The following FGF14 variants were observed in gnomAD, a reference collection of about 807,000 sequenced individuals.
FGF14 encodes the protein fibroblast growth factor 14.
A neutral mutation model predicts 25.5 loss-of-function variants in FGF14; 5 were observed. The ratio of observed to expected loss-of-function variants is 0.20; its 90% CI spans 0.10 to 0.41. The LOEUF (loss-of-function observed/expected upper bound fraction) is 0.41, where lower values mean the gene tolerates loss of function less well. FGF14 is among the 10% of genes least tolerant of loss of function. The pLI is 1.00. For missense variants in FGF14, 222 were observed against 320.1 expected, an observed-to-expected ratio of 0.69 and a Z score of 2.34; for synonymous variants, 138 against 118.3, an observed-to-expected ratio of 1.17 and a Z score of -1.08.
intron 1 of FGF14, among the ~76,000 whole-genome samples, chr13:101,909,890 C>T (rs2032712149): frequency 6.6e-6 from 1 of 152,192 alleles, no homozygotes; most frequent in Non-Finnish European, 1.5e-5. Flanking sequence ...GGCACATATA[C>T]ACCATGGAAT....
intron 3 of FGF14, among the ~76,000 whole-genome samples, chr13:101,830,191 G>A (rs1431056248): frequency 3.3e-5 from 5 of 152,088 alleles, no homozygotes. Flanking sequence ...TGTAGCTCTA[G>A]AGAAGTCTAG....
intron 1 of FGF14, among the ~76,000 whole-genome samples, chr13:102,318,223 G>A (rs1266087750): frequency 6.6e-6 from 1 of 152,160 alleles, no homozygotes; most frequent in Non-Finnish European, 1.5e-5. Flanking sequence ...CCTGGAAGGA[G>A]CCAGAATTCA....
At chr13:101,992,315 A>G (rs1182010755) in intron 1 of FGF14, among the ~76,000 whole-genome samples, 1 of 152,170 alleles carries the variant, frequency 6.6e-6, no homozygotes, top group Non-Finnish European at 1.5e-5. Context: ...AGGAAACAGT[A>G]AACACAGCAT....
In FGF14 at chr13:101,757,775, A is replaced by C. The variant is rs370974783; in HGVS notation, c.409-30965T>G. On this transcript the variant is annotated intron_variant, in intron 3 of 4. Transcript: ENST00000376143. ...ATTTTTATCAGCGTGTCAAAGATGA[A>C]GAGATACAGATTATTGTATTTAGCC... Among the ~76,000 whole-genome samples, 10 of 152,214 alleles carry C rather than the reference A, an allele frequency of 6.6e-5. No homozygotes were observed. The South Asian group carries it at 8.3e-4, about 13-fold the overall frequency.
chr13:102,102,616 T>C (rs1268901525), intron 1 of FGF14, among the ~76,000 whole-genome samples: 2 of 152,168 alleles, frequency 1.3e-5, no homozygotes, highest in East Asian at 3.9e-4. Context: ...TGCCACTGAA[T>C]ATCACAATAA....
chr13:102,237,342 G>A (rs1465838008), intron 1 of FGF14, among the ~76,000 whole-genome samples: 2 of 152,210 alleles, frequency 1.3e-5, no homozygotes, highest in Non-Finnish European at 2.9e-5. Context: ...ACAGAGTAGG[G>A]GATTGAGCCG....
intron 3 of FGF14, among the ~76,000 whole-genome samples, chr13:101,765,330 T>C (rs1339726159): frequency 6.6e-6 from 1 of 152,220 alleles, no homozygotes; most frequent in Non-Finnish European, 1.5e-5. Context: ...TTGGGTCAAT[T>C]CAATGCAGAC....
At chr13:101,758,549 A>G (rs1175994015) in intron 3 of FGF14, among the ~76,000 whole-genome samples, 2 of 152,210 alleles carry the variant, frequency 1.3e-5, no homozygotes, top group African/African-American at 2.4e-5. Context: ...CATGGTAACT[A>G]TGTGGACCTA....
At chr13:102,157,974 C>T (rs1453814171) in intron 1 of FGF14, among the ~76,000 whole-genome samples, 3 of 152,092 alleles carry the variant, frequency 2.0e-5, no homozygotes, top group South Asian at 4.2e-4. Context: ...TAATGAGATA[C>T]CATCTCACAC....
intron 1 of FGF14, among the ~76,000 whole-genome samples, chr13:102,026,040 A>G (rs2139899383): frequency 6.6e-6 from 1 of 152,090 alleles, no homozygotes; most frequent in South Asian, 2.1e-4. Flanking sequence ...TTCTAGGGGG[A>G]AATCATTCAG....
intron 1 of FGF14, among the ~76,000 whole-genome samples, chr13:101,901,857 C>T (rs972035698): frequency 6.6e-6 from 1 of 152,076 alleles, no homozygotes; most frequent in Non-Finnish European, 1.5e-5. Flanking sequence ...TCCATTCTTT[C>T]GTTTGAAAAA....
At chr13:102,015,323 G>T (rs1232750213) in intron 1 of FGF14, among the ~76,000 whole-genome samples, 7 of 152,094 alleles carry the variant, frequency 4.6e-5, no homozygotes, top group African/African-American at 1.7e-4. Context: ...TATCACCAAA[G>T]GAATATATAT....
At chr13:102,193,871 C>G (rs538388209) in intron 1 of FGF14, among the ~76,000 whole-genome samples, 154 of 145,716 alleles carry the variant, frequency 1.1e-3, no homozygotes, top group Middle Eastern at 6.9e-3. Context: ...GAATATGGCC[C>G]CAAAACAAGG....
Position 101,712,771 on chromosome 13 carries a change from T to A in FGF14, c.*10060A>T, listed in dbSNP as rs921681609. Reference sequence around the variant, plus strand: ...TAAACAAGCAGTAGAGTGCTGTACATTTTTTTATGCCTAGAAATGTGAAAG... The same window carrying A: ...TAAACAAGCAGTAGAGTGCTGTACAATTTTTTATGCCTAGAAATGTGAAAG... On this transcript the variant is annotated 3_prime_UTR_variant, in exon 5 of 5. Coordinates refer to ENST00000376143, the MANE Select transcript of FGF14 (RefSeq NM_004115.4). The A allele has an allele frequency of 4.6e-5, 7 of 152,136 alleles. No homozygotes were observed. The highest frequency in any genetic ancestry group is 8.8e-5 in the Non-Finnish European group (6 of 68,024). 9.4% of individuals were successfully genotyped at this position (152,136 alleles called of 1,614,324 possible).
rs190062372 is a variant in FGF14 at position 101,883,613 on chromosome 13, C to G, written c.194-8317G>C. ...GTATAAACAGAAAGGTAATATCCAG[C>G]GCTAATGATAACAATAGTAAGAATA... On this transcript the variant is annotated intron_variant, in intron 1 of 4. Coordinates refer to ENST00000376143, the MANE Select transcript of FGF14 (RefSeq NM_004115.4). 1.4e-4 allele frequency among the ~76,000 whole-genome samples: 21 copies of G among 152,150 alleles called. No homozygotes were observed. In the East Asian group the frequency reaches 4.1e-3, roughly 29 times the overall value.
intron 1 of FGF14, among the ~76,000 whole-genome samples, chr13:102,077,310 C>T (rs996305251): frequency 6.6e-5 from 10 of 152,064 alleles, no homozygotes; most frequent in African/African-American, 2.2e-4. Flanking sequence ...TTATATCAAA[C>T]TAAAAAGCTT....
At chr13:102,056,174 A>C (rs2042421059) in intron 1 of FGF14, among the ~76,000 whole-genome samples, 1 of 152,234 alleles carries the variant, frequency 6.6e-6, no homozygotes, top group African/African-American at 2.4e-5. Flanking sequence ...TTGCTTTTGC[A>C]CTACAATGAC....
In FGF14 at chr13:102,122,588, G is replaced by T. The variant is rs991609105; in HGVS notation, c.209-247292C>A. ...TATATGACTGCCAAATGACTCTTTG[G>T]CAGCATTTTACACTTCTGAAAATCA... On this transcript the variant is annotated intron_variant, in intron 1 of 4. Transcript: ENST00000376131. 2.6e-5 allele frequency among the ~76,000 whole-genome samples: 4 copies of T among 152,042 alleles called. No homozygotes were observed. The East Asian group carries it at 5.8e-4, about 22-fold the overall frequency.
At chr13:102,074,711 C>T (rs186236502) in intron 1 of FGF14, among the ~76,000 whole-genome samples, 98 of 152,198 alleles carry the variant, frequency 6.4e-4, no homozygotes, top group African/African-American at 2.3e-3. Context: ...AACCAAATTC[C>T]ACAGCACATT....
Sources: gnomAD v4.1 joint callset for allele counts (sites outside exome capture counted in the v4.1 genomes callset) on GRCh38, gnomAD v4.1.1 for gene constraint, MANE v1.5 for transcripts, NCBI Gene and HGNC (gene_info 2026-07-23, HGNC 2026-07-21) for gene names.